LPP: variants seen among roughly 807,000 people sequenced by gnomAD.
The protein encoded by LPP is LIM domain containing preferred translocation partner in lipoma, also known as lipoma-preferred partner.
LPP carries 38 observed loss-of-function variants against 60.4 expected under a neutral mutation model. That is an observed-to-expected ratio of 0.63 (90% confidence interval 0.49 to 0.83). The LOEUF is 0.83. LPP is among the 40% of genes least tolerant of loss of function. LPP has a pLI of 0.00. For synonymous variants in LPP, 328 were observed against 290.8 expected, an observed-to-expected ratio of 1.13 and a Z score of -1.30; for missense variants, 902 against 783.6, an observed-to-expected ratio of 1.15 and a Z score of -1.80.
intron 9 of LPP, among the ~76,000 whole-genome samples, chr3:188,760,795 G>A (rs1732052693): frequency 6.6e-6 from 1 of 152,034 alleles, no homozygotes; most frequent in Non-Finnish European, 1.5e-5. Context: ...TTATCCAACA[G>A]GTTTTTAATG....
At chr3:188,803,275 C>T (rs181852895) in intron 9 of LPP, among the ~76,000 whole-genome samples, 1 of 152,184 alleles carries the variant, frequency 6.6e-6, no homozygotes, top group East Asian at 1.9e-4. Context: ...GAACTCCTGG[C>T]CTCATGTGAT....
chr3:188,733,232 C>T (rs532343655), intron 8 of LPP, among the ~76,000 whole-genome samples: 55 of 151,782 alleles, frequency 3.6e-4, no homozygotes, highest in Non-Finnish European at 6.2e-4. Flanking sequence ...AGAGTGACTA[C>T]GTCTACAGTC....
At chr3:188,595,850 T>G (rs1185738642) in intron 6 of LPP, among the ~76,000 whole-genome samples, 2 of 152,176 alleles carry the variant, frequency 1.3e-5, no homozygotes, top group Non-Finnish European at 2.9e-5. Context: ...TTTAAATAGT[T>G]GTGCAGAAAA....
At chr3:188,579,119 T>C (rs760037184) in intron 6 of LPP, among the ~76,000 whole-genome samples, 15 of 152,306 alleles carry the variant, frequency 9.8e-5, no homozygotes, top group Admixed American at 1.3e-4. Context: ...AAAAAGGGAA[T>C]GAAGCAGGCT....
At chr3:188,461,838 T>C (rs1799034280) in intron 4 of LPP, among the ~76,000 whole-genome samples, 1 of 152,132 alleles carries the variant, frequency 6.6e-6, no homozygotes, top group East Asian at 1.9e-4. Context: ...CTGTTTTCAG[T>C]TTTTATCTGT....
In LPP at chr3:188,273,617, C is replaced by T. The variant is rs138447914; in HGVS notation, c.-67+48090C>T. The stretch of plus-strand genomic sequence containing the variant: ...TTTTTTTTTTTTTTTTTTTTTGAGA[C>T]GGAGTTTCACTCTTGTTGCCCAGGC... On this transcript the variant is annotated intron_variant, in intron 2 of 11. Coordinates refer to ENST00000617246, the MANE Select transcript of LPP (RefSeq NM_001375462.1). 9.9e-3 allele frequency among the ~76,000 whole-genome samples: 597 copies of T among 60,532 alleles called. 13 individuals are homozygous for T. In the Admixed American group the frequency reaches 0.1, roughly 10 times the overall value. 39.7% of individuals were successfully genotyped at this position (60,532 alleles called of 152,430 possible). A position where few individuals can be genotyped will look rare whatever the true frequency, so the allele number is the denominator to read the frequency against.
intron 2 of LPP, among the ~76,000 whole-genome samples, chr3:188,283,767 C>G (rs1203377661): frequency 6.6e-6 from 1 of 152,006 alleles, no homozygotes; most frequent in Non-Finnish European, 1.5e-5. Flanking sequence ...GAAGGGTTGT[C>G]AGGAGTTCGA....
intron 2 of LPP, among the ~76,000 whole-genome samples, chr3:188,334,929 G>C (rs1430965117): frequency 6.6e-6 from 1 of 152,064 alleles, no homozygotes; most frequent in Non-Finnish European, 1.5e-5. Context: ...TCTGTATATG[G>C]ATGTCCAGTT....
At chr3:188,840,385 C>G (rs1759636282) in intron 9 of LPP, among the ~76,000 whole-genome samples, 1 of 152,170 alleles carries the variant, frequency 6.6e-6, no homozygotes, top group African/African-American at 2.4e-5. Flanking sequence ...TATTGACACT[C>G]CCAAGGATAA....
At chr3:188,626,059 A>G (rs1468336209) in intron 7 of LPP, among the ~76,000 whole-genome samples, 1 of 152,138 alleles carries the variant, frequency 6.6e-6, no homozygotes, top group African/African-American at 2.4e-5. Context: ...TTCACATTTT[A>G]TGAAACCTGA....
At chr3:188,454,219 C>T (rs994527063) in intron 4 of LPP, among the ~76,000 whole-genome samples, 1 of 152,214 alleles carries the variant, frequency 6.6e-6, no homozygotes, top group African/African-American at 2.4e-5. Context: ...AGTGTGGCAT[C>T]ACAGCCTATG....
At chr3:188,576,961 T>C (rs1417051987) in intron 6 of LPP, among the ~76,000 whole-genome samples, 1 of 152,230 alleles carries the variant, frequency 6.6e-6, no homozygotes, top group Non-Finnish European at 1.5e-5. Flanking sequence ...TTGGTGACAT[T>C]AATCAGCGTG....
At chr3:188,335,957 G>A (rs762425617) in intron 2 of LPP, among the ~76,000 whole-genome samples, 2 of 152,144 alleles carry the variant, frequency 1.3e-5, no homozygotes, top group African/African-American at 2.4e-5. Context: ...CTGAATAGAT[G>A]CAGTGATAGG....
chr3:188,509,192 C>T (rs1193522989), intron 5 of LPP, among the ~76,000 whole-genome samples: 1 of 152,104 alleles, frequency 6.6e-6, no homozygotes, highest in African/African-American at 2.4e-5. Flanking sequence ...AAGTATAATC[C>T]TGTAATCCTC....
chr3:188,763,966 TA>T (rs2150544962), intron 9 of LPP, among the ~76,000 whole-genome samples: 1 of 152,288 alleles, frequency 6.6e-6, no homozygotes, highest in South Asian at 2.1e-4. Flanking sequence ...AACTATATGT[TA>T]AAATGCAAAC....
In LPP at chr3:188,807,950, G is replaced by A. The variant is rs575402150; in HGVS notation, c.1410+47668G>A. ...TGTTAAAAGCCAGACATATTATATA[G>A]GATAATAAAGATAGGCTAATATATT... On this transcript the variant is annotated intron_variant, in intron 9 of 11. Transcript: ENST00000617246. Among the ~76,000 whole-genome samples, 5 of 152,170 alleles carry A rather than the reference G, an allele frequency of 3.3e-5. No individual in the cohort carries two copies. In the South Asian group the frequency reaches 1.0e-3, roughly 32 times the overall value.
At chr3:188,668,550 C>G (rs1387797734) in intron 7 of LPP, among the ~76,000 whole-genome samples, 3 of 152,164 alleles carry the variant, frequency 2.0e-5, no homozygotes, top group African/African-American at 7.2e-5. Flanking sequence ...GCCATTATAA[C>G]AGCCGAGATG....
chr3:188,522,584 A>C (rs1389322141), intron 5 of LPP, among the ~76,000 whole-genome samples: 1 of 152,086 alleles, frequency 6.6e-6, no homozygotes, highest in Non-Finnish European at 1.5e-5. Context: ...GGAACAAAAC[A>C]GACAAAGCTT....
intron 5 of LPP, among the ~76,000 whole-genome samples, chr3:188,500,908 T>C (rs1370897198): frequency 6.6e-6 from 1 of 152,130 alleles, no homozygotes; most frequent in Non-Finnish European, 1.5e-5. Context: ...TTTATTTTTG[T>C]CTTTTGTAGT....
Sources: allele counts gnomAD v4.1 joint callset (sites outside exome capture counted in the v4.1 genomes callset), GRCh38; gene constraint gnomAD v4.1.1; transcripts MANE v1.5; gene names NCBI Gene and HGNC (gene_info 2026-07-23, HGNC 2026-07-21).